DRICH1: variants seen among roughly 807,000 people sequenced by gnomAD.
DRICH1 encodes the protein aspartate rich 1.
A neutral mutation model predicts 39.5 loss-of-function variants in DRICH1; 38 were observed. The ratio of observed to expected loss-of-function variants is 0.96; its 90% CI spans 0.74 to 1.26. DRICH1 has a LOEUF of 1.26. Among genes scored for constraint, DRICH1 ranks in the 50% most tolerant of loss-of-function variants. The probability of loss-of-function intolerance (pLI) is 0.00; values close to 1 mark genes in which losing one functional copy is unlikely to be tolerated. For missense variants in DRICH1, 279 were observed against 270.4 expected (o/e 1.03, Z -0.22); for synonymous variants, 84 against 99.5 (o/e 0.84, Z 0.93).
intron 4 of DRICH1, 38 bp downstream of exon 4, chr22:23,622,053 C>CCAA: frequency 6.2e-7 from 1 of 1,606,542 alleles, no homozygotes. Flanking sequence ...CATCAGAAAA[C>CCAA]CAACATTTCC....
intron 8 of DRICH1, among the ~76,000 whole-genome samples, chr22:23,616,625 C>T (rs1374084453): frequency 6.6e-6 from 1 of 152,182 alleles, no homozygotes; most frequent in East Asian, 1.9e-4. Flanking sequence ...GAGAGGTGCA[C>T]TCACTTCTAC....
chr22:23,590,143 T>C, the DRICH1 span, among the ~76,000 whole-genome samples: 1 of 152,114 alleles, frequency 6.6e-6, no homozygotes, highest in African/African-American at 2.4e-5. Context: ...CTTCTGTTTG[T>C]TGATTTCCAG....
chr22:23,600,298 T>G, the DRICH1 span, among the ~76,000 whole-genome samples: 8,065 of 152,204 alleles, frequency 0.053, 383 homozygotes, highest in African/African-American at 0.12. Context: ...GTTGTGACCT[T>G]CAGGGACCCA....
chr22:23,587,446 C>T, the DRICH1 span, among the ~76,000 whole-genome samples: 6 of 152,290 alleles, frequency 3.9e-5, no homozygotes, highest in South Asian at 1.2e-3. Context: ...GACCAAAATT[C>T]GAAGGGAGAG....
At chr22:23,606,798 C>T (rs1926756700), downstream of DRICH1, among the ~76,000 whole-genome samples, 1 of 152,190 alleles carries the variant, frequency 6.6e-6, no homozygotes, top group Non-Finnish European at 1.5e-5. Context: ...CAAAGGCTGG[C>T]CCTCCCTGGG....
At chr22:23,621,711 C>T (rs747910428) in intron 4 of DRICH1, among the ~76,000 whole-genome samples, 17 of 152,046 alleles carry the variant, frequency 1.1e-4, no homozygotes, top group African/African-American at 3.1e-4. Flanking sequence ...GTCAGGAGTT[C>T]GAGACCAGCC....
intron 1 of DRICH1, chr22:23,630,704 T>G (rs2123801600): frequency 6.6e-6 from 1 of 152,280 alleles, no homozygotes; most frequent in South Asian, 2.1e-4. Flanking sequence ...CCAACCCTCA[T>G]GCACACAAAC....
chr22:23,616,189 G>T (rs1927336012), intron 8 of DRICH1, among the ~76,000 whole-genome samples: 1 of 152,202 alleles, frequency 6.6e-6, no homozygotes, highest in Non-Finnish European at 1.5e-5. Context: ...CACCACAGAA[G>T]AATTTTGTCT....
chr22:23,594,518 C>T, the DRICH1 span, among the ~76,000 whole-genome samples: 1 of 152,320 alleles, frequency 6.6e-6, no homozygotes, highest in East Asian at 1.9e-4. Context: ...AGCAGTAAGC[C>T]AAGATCGCAC....
At chr22:23,626,589 T>C (rs1321315586) in intron 1 of DRICH1, among the ~76,000 whole-genome samples, 6 of 152,164 alleles carry the variant, frequency 3.9e-5, no homozygotes, top group African/African-American at 1.4e-4. Flanking sequence ...TCTGCCTCAT[T>C]GCAGCTGCCC....
the DRICH1 span, among the ~76,000 whole-genome samples, chr22:23,593,670 G>A: frequency 8.3e-5 from 12 of 144,674 alleles, no homozygotes; most frequent in Admixed American, 6.4e-4. Flanking sequence ...ATGATGTCGC[G>A]CGCCTGTAGT....
chr22:23,599,826 C>G, the DRICH1 span, among the ~76,000 whole-genome samples: 1 of 152,206 alleles, frequency 6.6e-6, no homozygotes, highest in Non-Finnish European at 1.5e-5. Flanking sequence ...GTCTCATCTG[C>G]AGCCTGAGCT....
chr22:23,582,555 C>CTTATTATTATTA, the DRICH1 span, among the ~76,000 whole-genome samples: 4,951 of 143,824 alleles, frequency 0.034, 224 homozygotes, highest in African/African-American at 0.11. Flanking sequence ...CCTTCAGGGG[C>CTTATTATTATTA]TTATTATTAT....
chr22:23,603,829 C>A (rs926834937), downstream of DRICH1, among the ~76,000 whole-genome samples: 1 of 152,160 alleles, frequency 6.6e-6, no homozygotes, highest in African/African-American at 2.4e-5. Flanking sequence ...CCCTAGTAAG[C>A]CTTTATGAGC....
At chr22:23,596,464 C>T in the DRICH1 span, among the ~76,000 whole-genome samples, 1 of 152,110 alleles carries the variant, frequency 6.6e-6, no homozygotes, top group African/African-American at 2.4e-5. Flanking sequence ...TTTTGTCGCC[C>T]AGGCTGGTTT....
the DRICH1 span, among the ~76,000 whole-genome samples, chr22:23,589,401 T>C: frequency 6.6e-6 from 1 of 151,904 alleles, no homozygotes; most frequent in South Asian, 2.1e-4. Context: ...CAGTGAGCTA[T>C]GATGGTGCCA....
At chr22:23,612,614 G>C (rs1927106712) in intron 11 of DRICH1, among the ~76,000 whole-genome samples, 1 of 151,952 alleles carries the variant, frequency 6.6e-6, no homozygotes, top group Non-Finnish European at 1.5e-5. Flanking sequence ...CAAAAAATTA[G>C]AGAACTGGGA....
At chr22:23,614,257 G>A (rs757505826) in intron 8 of DRICH1, 43 bp from the exon 9 acceptor site, 1 of 1,423,894 alleles carries the variant, frequency 7.0e-7, no homozygotes, top group Admixed American at 1.7e-5. Flanking sequence ...GGTGGTTGGT[G>A]ACTCTGAGTC....
At chr22:23,599,122 G>A in the DRICH1 span, among the ~76,000 whole-genome samples, 107 of 152,320 alleles carry the variant, frequency 7.0e-4, 3 homozygotes, top group East Asian at 0.018. Flanking sequence ...ACTCAATAGC[G>A]TCTCAACACA....
Sources: allele counts gnomAD v4.1 joint callset (sites outside exome capture counted in the v4.1 genomes callset), GRCh38; gene constraint gnomAD v4.1.1; transcripts MANE v1.5; gene names NCBI Gene and HGNC (gene_info 2026-07-23, HGNC 2026-07-21).